Variants in EPS15 observed in about 807,000 individuals in gnomAD.
The protein encoded by EPS15 is epidermal growth factor receptor substrate 15.
In EPS15, 72 loss-of-function variants were observed where a neutral mutation model predicts 113.8. That is an observed-to-expected ratio of 0.63 (90% CI 0.52 to 0.77). The LOEUF (loss-of-function observed/expected upper bound fraction) is 0.77. EPS15 is among the 30% of genes least tolerant of loss of function. The pLI, the probability that EPS15 is intolerant of heterozygous loss-of-function variation, is 0.00. For synonymous variants in EPS15, 344 were observed against 363.4 expected, an observed-to-expected ratio of 0.95 and a Z score of 0.61; for missense variants, 1,048 against 1,045.8, an observed-to-expected ratio of 1.00 and a Z score of -0.03.
chr1:51,470,472 C>T (rs1655154895), intron 4 of EPS15, among the ~76,000 whole-genome samples: 1 of 151,700 alleles, frequency 6.6e-6, no homozygotes, highest in Admixed American at 6.6e-5. Flanking sequence ...TAGTGAAACC[C>T]CATCTCTACT....
chr1:51,460,375 T>C (rs1200893995), intron 8 of EPS15, among the ~76,000 whole-genome samples: 1 of 152,206 alleles, frequency 6.6e-6, no homozygotes, highest in Non-Finnish European at 1.5e-5. Context: ...TGTCAAAACT[T>C]TTCTGCCTTC....
At chr1:51,359,252 C>T (rs940388257) in intron 24 of EPS15, among the ~76,000 whole-genome samples, 5 of 151,516 alleles carry the variant, frequency 3.3e-5, no homozygotes, top group East Asian at 1.9e-4. Flanking sequence ...GAGACCATCC[C>T]GGCCAACATG....
intron 19 of EPS15, among the ~76,000 whole-genome samples, chr1:51,400,712 C>CAAAAAAAA (rs375748381): frequency 8.3e-5 from 5 of 60,168 alleles, no homozygotes; most frequent in Non-Finnish European, 1.6e-4. Context: ...CAAAAAACAC[C>CAAAAAAAA]AAAAAAAAAA....
At chr1:51,431,027 C>CACACACAA (rs1491306539) in intron 12 of EPS15, among the ~76,000 whole-genome samples, 2 of 96,038 alleles carry the variant, frequency 2.1e-5, no homozygotes, top group Admixed American at 1.9e-4. Flanking sequence ...CACACACACA[C>CACACACAA]AAAAATAAAA....
chr1:51,378,652 A>G (rs1421371231), intron 21 of EPS15, among the ~76,000 whole-genome samples: 1 of 152,238 alleles, frequency 6.6e-6, no homozygotes, highest in Non-Finnish European at 1.5e-5. Context: ...CTAATTTGTT[A>G]AAATTTGGAT....
intron 5 of EPS15, among the ~76,000 whole-genome samples, chr1:51,467,073 G>A (rs1654893020): frequency 6.6e-6 from 1 of 152,250 alleles, no homozygotes; most frequent in South Asian, 2.1e-4. Flanking sequence ...ATTCTTATTA[G>A]CACAAGAAAA....
intron 1 of EPS15, among the ~76,000 whole-genome samples, chr1:51,505,258 A>G (rs750683597): frequency 2.0e-5 from 3 of 152,238 alleles, no homozygotes; most frequent in Admixed American, 6.5e-5. Flanking sequence ...TATTCATAAC[A>G]GCCAAAAGGT....
chr1:51,390,252 G>A (rs1255513372), intron 21 of EPS15, among the ~76,000 whole-genome samples: 3 of 150,844 alleles, frequency 2.0e-5, no homozygotes, highest in Admixed American at 6.6e-5. Context: ...TGGGAAAACT[G>A]GCTAGCCATA....
At chr1:51,484,492 T>C (rs1570404623) in intron 1 of EPS15, among the ~76,000 whole-genome samples, 1 of 152,158 alleles carries the variant, frequency 6.6e-6, no homozygotes, top group Non-Finnish European at 1.5e-5. Flanking sequence ...AAAACCAGAA[T>C]GGATTTTGTA....
intron 8 of EPS15, among the ~76,000 whole-genome samples, chr1:51,448,998 T>G (rs899429830): frequency 2.0e-5 from 3 of 152,182 alleles, no homozygotes; most frequent in Admixed American, 6.5e-5. Flanking sequence ...CTGGTGGGAA[T>G]GTAAAGTAGT....
At chr1:51,474,486 C>T (rs776863735) in intron 2 of EPS15, among the ~76,000 whole-genome samples, 3 of 152,046 alleles carry the variant, frequency 2.0e-5, no homozygotes, top group Non-Finnish European at 4.4e-5. Context: ...ACTTCTAATC[C>T]GAGATTCAGC....
chr1:51,404,447 A>G (rs934478778), intron 16 of EPS15, among the ~76,000 whole-genome samples: 9 of 152,232 alleles, frequency 5.9e-5, no homozygotes, highest in African/African-American at 2.2e-4. Context: ...AGGATAACCT[A>G]GTAATCTGCC....
At chr1:51,473,851 TA>T (rs1655414610) in intron 2 of EPS15, among the ~76,000 whole-genome samples, 1 of 152,160 alleles carries the variant, frequency 6.6e-6, no homozygotes, top group African/African-American at 2.4e-5. Flanking sequence ...TTTCAAGTGG[TA>T]CAACATGGGA....
intron 1 of EPS15, among the ~76,000 whole-genome samples, chr1:51,489,817 TCTTA>T (rs905496018): frequency 6.6e-6 from 1 of 152,174 alleles, no homozygotes; most frequent in African/African-American, 2.4e-5. Context: ...TTCTGACAGG[TCTTA>T]CTGTTTTCTC....
At chr1:51,481,513 AG>A (rs1366320655) in intron 1 of EPS15, among the ~76,000 whole-genome samples, 199 bp from the exon 2 acceptor site, 5 of 152,222 alleles carry the variant, frequency 3.3e-5, no homozygotes, top group Non-Finnish European at 7.4e-5. Flanking sequence ...ACTAAGAATC[AG>A]GTAGACAAGA....
chr1:51,440,085 G>C, intron 12 of EPS15, among the ~76,000 whole-genome samples: 1 of 146,698 alleles, frequency 6.8e-6, no homozygotes, highest in East Asian at 1.9e-4. Flanking sequence ...TTATTTGGCA[G>C]TGACTTTTCA....
At chr1:51,462,412 G>C (rs531822736) in intron 7 of EPS15, among the ~76,000 whole-genome samples, 1 of 151,518 alleles carries the variant, frequency 6.6e-6, no homozygotes, top group East Asian at 1.9e-4. Flanking sequence ...AAAGAGAGTA[G>C]TTAAGATTTG....
chr1:51,357,423 TATA>T (rs530348171), intron 24 of EPS15, among the ~76,000 whole-genome samples: 990 of 68,224 alleles, frequency 0.015, 9 homozygotes, highest in East Asian at 0.018. Flanking sequence ...TATATATATA[TATA>T]TTTTTTTTTT....
At chr1:51,368,135 A>AAAAAT (rs886762496) in intron 21 of EPS15, among the ~76,000 whole-genome samples, 8 of 152,370 alleles carry the variant, frequency 5.3e-5, no homozygotes, top group African/African-American at 1.4e-4. Context: ...CCGTCTCAAA[A>AAAAAT]AAAATAAAAT....
Sources: allele counts gnomAD v4.1 joint callset (sites outside exome capture counted in the v4.1 genomes callset), GRCh38; gene constraint gnomAD v4.1.1; transcripts MANE v1.5; gene names NCBI Gene and HGNC (gene_info 2026-07-23, HGNC 2026-07-21).